The following THSD7A variants were observed in gnomAD, a reference collection of about 807,000 sequenced individuals.
THSD7A encodes the protein thrombospondin type-1 domain-containing protein 7A.
THSD7A carries 96 observed loss-of-function variants against 231.3 expected under a neutral mutation model. The ratio of observed to expected loss-of-function variants is 0.41; its 90% confidence interval spans 0.35 to 0.49. THSD7A has a LOEUF of 0.49. Among genes scored for constraint, THSD7A ranks in the 20% least tolerant of loss-of-function variants. THSD7A has a pLI of 0.05. For missense variants in THSD7A, 2,290 were observed against 2,070.2 expected, an observed-to-expected ratio of 1.11 and a Z score of -2.06; for synonymous variants, 940 against 743.3, an observed-to-expected ratio of 1.26 and a Z score of -4.30.
intron 1 of THSD7A, among the ~76,000 whole-genome samples, chr7:11,668,782 G>A (rs571237942): frequency 6.6e-6 from 1 of 152,114 alleles, no homozygotes; most frequent in South Asian, 2.1e-4. Flanking sequence ...CCAGCCTTCT[G>A]TCCTGAAAGC....
chr7:11,687,910 T>G lies in THSD7A; in HGVS notation c.191-50949A>C, dbSNP rs530886257. ...TTTATTTTTTTAAGGCGAATTTTAT[T>G]TATTTATTTATTTTATTATGCTTTG... On this transcript the variant is annotated intron_variant, in intron 1 of 27. Coordinates refer to ENST00000423059, the MANE Select transcript of THSD7A (RefSeq NM_015204.3). Among the ~76,000 whole-genome samples, 25 of 151,806 alleles carry G rather than the reference T, an allele frequency of 1.6e-4. No homozygotes were observed. The South Asian group carries it at 2.9e-3, about 18-fold the overall frequency.
intron 2 of THSD7A, among the ~76,000 whole-genome samples, chr7:11,623,362 C>A (rs538638642): frequency 6.6e-6 from 1 of 151,938 alleles, no homozygotes; most frequent in Non-Finnish European, 1.5e-5. Flanking sequence ...GGGTGAGTGC[C>A]TCATTAAATT....
At chr7:11,521,062 T>C (rs975679153) in intron 6 of THSD7A, among the ~76,000 whole-genome samples, 2 of 152,196 alleles carry the variant, frequency 1.3e-5, no homozygotes, top group Admixed American at 6.6e-5. Flanking sequence ...TGTGCTTTTA[T>C]TGAAGAATTT....
At chr7:11,541,889 A>G (rs1443330463) in intron 5 of THSD7A, among the ~76,000 whole-genome samples, 2 of 152,136 alleles carry the variant, frequency 1.3e-5, no homozygotes, top group Non-Finnish European at 2.9e-5. Flanking sequence ...GTAAGGCTAG[A>G]AATGTCATAT....
At chr7:11,568,523 G>A (rs1340651780) in intron 4 of THSD7A, among the ~76,000 whole-genome samples, 2 of 149,382 alleles carry the variant, frequency 1.3e-5, no homozygotes, top group Non-Finnish European at 3.0e-5. Flanking sequence ...TATTTGGGAA[G>A]CTGAGGCAGG....
intron 1 of THSD7A, among the ~76,000 whole-genome samples, chr7:11,732,352 G>A (rs1244371201): frequency 6.6e-6 from 1 of 151,780 alleles, no homozygotes; most frequent in Non-Finnish European, 1.5e-5. Context: ...ATACAATGAT[G>A]AAAACCAAGT....
Position 11,725,914 on chromosome 7 carries a change from A to G in THSD7A, c.191-88953T>C, listed in dbSNP as rs77313107. 1.2e-3 allele frequency among the ~76,000 whole-genome samples: 179 copies of G among 152,156 alleles called. 2 individuals are homozygous for G. The East Asian group carries it at 0.03, about 26-fold the overall frequency. On this transcript the variant is annotated intron_variant, in intron 1 of 27. Transcript: ENST00000423059. ...TAATATTGTTGCAACATAAAATTTT[A>G]CAGTATGCCTCTATTACAAATATAT...
At chr7:11,618,217 G>A (rs1357294510) in intron 2 of THSD7A, among the ~76,000 whole-genome samples, 2 of 152,082 alleles carry the variant, frequency 1.3e-5, no homozygotes, top group Admixed American at 6.5e-5. Context: ...TAAGAAGAAT[G>A]GATTAGAGCT....
At chr7:11,605,990 TG>T (rs890111195) in intron 2 of THSD7A, among the ~76,000 whole-genome samples, 2 of 152,246 alleles carry the variant, frequency 1.3e-5, no homozygotes, top group East Asian at 3.9e-4. Flanking sequence ...CAAGCAACTT[TG>T]GGAAATATCA....
intron 1 of THSD7A, among the ~76,000 whole-genome samples, chr7:11,705,754 A>G (rs1200619067): frequency 6.6e-6 from 1 of 150,964 alleles, no homozygotes; most frequent in Non-Finnish European, 1.5e-5. Context: ...TTGCAAATCA[A>G]TGTTGGTAAA....
At chr7:11,533,832 AC>A (rs1275813728) in intron 6 of THSD7A, among the ~76,000 whole-genome samples, 1 of 152,194 alleles carries the variant, frequency 6.6e-6, no homozygotes, top group East Asian at 1.9e-4. Context: ...CCACCATGGC[AC>A]ATGTATACTT....
At chr7:11,571,290 C>T (rs566883828) in intron 4 of THSD7A, among the ~76,000 whole-genome samples, 28 of 152,126 alleles carry the variant, frequency 1.8e-4, no homozygotes, top group Non-Finnish European at 1.6e-4. Context: ...AAGGAAATTA[C>T]GATGTTATTC....
chr7:11,662,120 C>T (rs572998153), intron 1 of THSD7A, among the ~76,000 whole-genome samples: 2 of 151,166 alleles, frequency 1.3e-5, no homozygotes, highest in African/African-American at 4.8e-5. Context: ...GAAACCAAAA[C>T]ACATGAATTT....
chr7:11,472,025 G>A (rs982650740), intron 8 of THSD7A, among the ~76,000 whole-genome samples: 1 of 152,074 alleles, frequency 6.6e-6, no homozygotes, highest in African/African-American at 2.4e-5. Flanking sequence ...TTCTGTTTTA[G>A]TTGAGAAATA....
At chr7:11,390,119 T>C (rs57259262) in intron 23 of THSD7A, among the ~76,000 whole-genome samples, 5,861 of 152,234 alleles carry the variant, frequency 0.038, 374 homozygotes, top group African/African-American at 0.13. Flanking sequence ...AGGAGTATCT[T>C]TGTGGTGTTC....
In THSD7A at chr7:11,636,661, T is replaced by C. The variant is rs367628265; in HGVS notation, c.491A>G (p.Asp164Gly). The C allele has an allele frequency of 1.1e-5, 17 of 1,613,882 alleles. No individual in the cohort carries two copies. Among genetic ancestry groups the C allele is most frequent in the Non-Finnish European group, 1.4e-5 (17 of 1,179,912 alleles). ...GATATCCTCCGCAGGAATGTCTTTG[T>C]CTTTCTGGATGCACGCTATCTCCCT... ...QVREIACIQKDKDIPAEDIIC... is the reference protein window; with the variant it reads ...QVREIACIQKGKDIPAEDIIC... The change falls in exon 2 of 28, where the codon GAC becomes GGC. Residue 164 changes from aspartate to glycine, a missense_variant. Coordinates refer to ENST00000423059, the MANE Select transcript of THSD7A (RefSeq NM_015204.3). This position sits in a 1 kb window ranked among gnomAD's most constrained non-coding sequence, Gnocchi z 10.0.
chr7:11,653,751 T>C (rs897954220), intron 1 of THSD7A, among the ~76,000 whole-genome samples: 5 of 151,998 alleles, frequency 3.3e-5, no homozygotes, highest in Admixed American at 2.0e-4. Flanking sequence ...TAGCAGGAAT[T>C]GGCTGAAGTC....
chr7:11,635,154 C>A (rs1285957955), intron 2 of THSD7A, among the ~76,000 whole-genome samples: 1 of 152,052 alleles, frequency 6.6e-6, no homozygotes, highest in Non-Finnish European at 1.5e-5. Context: ...GGAAATTTGT[C>A]TTATATGTTT....
At chr7:11,390,992 C>T (rs771054661) in intron 23 of THSD7A, among the ~76,000 whole-genome samples, 3 of 152,226 alleles carry the variant, frequency 2.0e-5, no homozygotes, top group Non-Finnish European at 2.9e-5. Flanking sequence ...GGGCACCTGC[C>T]AGATGCCAGC....
Sources: allele counts gnomAD v4.1 joint callset (sites outside exome capture counted in the v4.1 genomes callset), GRCh38; gene constraint gnomAD v4.1.1; non-coding constraint Gnocchi (gnomAD v3.1); transcripts MANE v1.5; gene names NCBI Gene and HGNC (gene_info 2026-07-23, HGNC 2026-07-21).